CASK: variants seen among roughly 807,000 people sequenced by gnomAD.
CASK encodes the protein peripheral plasma membrane protein CASK.
In CASK, 4 loss-of-function variants were observed where a neutral mutation model predicts 82.9. That is an observed-to-expected ratio of 0.05 (90% CI 0.02 to 0.11). The LOEUF is 0.11. Ranked by LOEUF, CASK falls within the 10% of genes least tolerant of loss-of-function variation. CASK has a pLI of 1.00. For synonymous variants in CASK, 259 were observed against 253.5 expected (o/e 1.02, Z -0.20); for missense variants, 358 against 720.9 (o/e 0.50, Z 5.76).
intron 10 of CASK, 77 bp downstream of exon 10, chrX:41,626,527 A>G: frequency 3.1e-6 from 2 of 651,745 alleles, no homozygotes; most frequent in Non-Finnish European, 5.1e-6. Flanking sequence ...GCACAGGAAA[A>G]GTTTATTCAC....
intron 5 of CASK, chrX:41,697,619 G>A (rs1162665961): frequency 9.0e-6 from 1 of 111,312 alleles, no homozygotes; most frequent in Non-Finnish European, 1.9e-5. Context: ...ATGGAGAAGT[G>A]AACTGGTTTA....
intron 5 of CASK, among the ~76,000 whole-genome samples, chrX:41,692,472 ATCATT>A (rs1282436831): frequency 8.9e-6 from 1 of 112,633 alleles, no homozygotes; most frequent in African/African-American, 3.2e-5. Flanking sequence ...CCCAAGAGAG[ATCATT>A]TCATTAGAAA....
intron 8 of CASK, among the ~76,000 whole-genome samples, chrX:41,650,616 A>C (rs1326674406): frequency 9.4e-6 from 1 of 106,299 alleles, no homozygotes; most frequent in Non-Finnish European, 1.9e-5. Flanking sequence ...GTCGTAGCTC[A>C]CTGCAGCCTT....
At chrX:41,563,090 G>A (rs1354035746) in intron 16 of CASK, among the ~76,000 whole-genome samples, 2 of 103,664 alleles carry the variant, frequency 1.9e-5, no homozygotes, top group African/African-American at 3.5e-5. Flanking sequence ...GCTGGGCATG[G>A]TGGCTCATGT....
intron 18 of CASK, among the ~76,000 whole-genome samples, chrX:41,557,514 G>A (rs749626427): frequency 9.0e-6 from 1 of 111,467 alleles, no homozygotes; most frequent in East Asian, 2.8e-4. Context: ...TAGTACCTGT[G>A]TCAAGAGTTA....
intron 5 of CASK, among the ~76,000 whole-genome samples, chrX:41,684,433 T>C (rs753003201): frequency 5.4e-5 from 6 of 112,090 alleles, no homozygotes; most frequent in Admixed American, 3.8e-4. Flanking sequence ...AACTGGCCTA[T>C]ATTCTTCAAA....
chrX:41,592,795 T>C (rs1199195146), intron 12 of CASK, among the ~76,000 whole-genome samples: 1 of 111,972 alleles, frequency 8.9e-6, no homozygotes, highest in Non-Finnish European at 1.9e-5. Flanking sequence ...TCTTAACATA[T>C]ACTCATTCAC....
chrX:41,890,427 A>C (rs759192560), intron 1 of CASK, among the ~76,000 whole-genome samples: 4 of 111,229 alleles, frequency 3.6e-5, no homozygotes, highest in East Asian at 2.8e-4. Flanking sequence ...GAAAAAAAAA[A>C]CAGCACATTA....
intron 5 of CASK, among the ~76,000 whole-genome samples, chrX:41,686,990 T>C (rs1023064): frequency 0.41 from 45,198 of 110,617 alleles, 6,798 homozygotes; most frequent in East Asian, 0.57. Context: ...AAAAAGCTTA[T>C]ATAAAGAAAG....
chrX:41,537,783 C>A (rs1190003656), intron 22 of CASK, among the ~76,000 whole-genome samples: 2 of 107,515 alleles, frequency 1.9e-5, no homozygotes, highest in South Asian at 8.1e-4. Flanking sequence ...CCTTCCTGTA[C>A]CATGTGTAAT....
rs138379108 is a variant in CASK, at chrX:41,646,675, T to C, written c.832-10014A>G. On this transcript the variant is annotated intron_variant, in intron 8 of 26. Coordinates refer to ENST00000378163, the MANE Select transcript of CASK (RefSeq NM_001367721.1). Reference sequence around the variant, plus strand: ...TCAGTATCAACGTAGACCCAGACATTCTGCTTTACTTACCTCCAACCTGAC... The same window carrying C: ...TCAGTATCAACGTAGACCCAGACATCCTGCTTTACTTACCTCCAACCTGAC... Among the ~76,000 whole-genome samples, 49 of 111,926 alleles carry C rather than the reference T, an allele frequency of 4.4e-4. 1 individual carries two copies. In the East Asian group the frequency reaches 0.011, roughly 26 times the overall value.
rs762648664 is a variant in CASK at position 41,766,962 on chromosome X, ATATAAC to A, written c.278+20210_278+20215del. On this transcript the variant is annotated intron_variant, in intron 3 of 26. Coordinates refer to ENST00000378163, the MANE Select transcript of CASK (RefSeq NM_001367721.1). ...CAAAAGGTAAGAACTCTTTTTTGTT[ATATAAC>A]TATAATACCAAAATTACTTATAATA... 9.8e-5 allele frequency among the ~76,000 whole-genome samples: 11 copies of A among 112,388 alleles called. No individual in the cohort carries two copies. In the South Asian group the frequency reaches 2.9e-3, roughly 30 times the overall value.
chrX:41,894,702 A>G (rs753600476), intron 1 of CASK, among the ~76,000 whole-genome samples: 1 of 110,440 alleles, frequency 9.1e-6, no homozygotes, highest in Non-Finnish European at 1.9e-5. Context: ...AAAGTCATTC[A>G]GAATTCAATA....
intron 2 of CASK, among the ~76,000 whole-genome samples, chrX:41,799,809 C>G (rs866708031): frequency 1.9e-5 from 2 of 102,701 alleles, no homozygotes; most frequent in South Asian, 9.6e-4. Context: ...CCTGTCCCCC[C>G]ACAGCTCTGT....
intron 15 of CASK, among the ~76,000 whole-genome samples, chrX:41,576,006 A>T (rs749329381): frequency 9.4e-6 from 1 of 105,944 alleles, no homozygotes; most frequent in African/African-American, 3.5e-5. Context: ...ACGGAGTCTC[A>T]CTCTGCTGCC....
At position 41,673,059 on chromosome X, in the gene CASK, C is replaced by T. The variant is rs73193119; in HGVS notation, c.430-1529G>A. Among the ~76,000 whole-genome samples the T allele has an allele frequency of 7.8e-3, 877 of 112,102 alleles. 5 individuals carry two copies. The highest frequency in any genetic ancestry group is 0.012 in the Non-Finnish European group (632 of 53,187). On this transcript the variant is annotated intron_variant, in intron 5 of 26. Coordinates refer to ENST00000378163, the MANE Select transcript of CASK (RefSeq NM_001367721.1). Reference sequence around the variant, plus strand: ...ACAGAAGAAAAAAGTGCAAACTAGACTCCAACAGGGTCTTCTGGCCATGGC... The same window carrying T: ...ACAGAAGAAAAAAGTGCAAACTAGATTCCAACAGGGTCTTCTGGCCATGGC...
intron 5 of CASK, chrX:41,696,007 T>C: frequency 8.3e-7 from 1 of 1,210,591 alleles, no homozygotes; most frequent in East Asian, 3.0e-5. Flanking sequence ...CTAGGTGTGA[T>C]TCTGTGCAAG....
chrX:41,695,528 G>T, intron 5 of CASK: 1 of 522,199 alleles, frequency 1.9e-6, no homozygotes, highest in South Asian at 3.3e-5. Flanking sequence ...AATAGCAAAT[G>T]ACTCAATGTT....
intron 1 of CASK, among the ~76,000 whole-genome samples, chrX:41,872,649 T>C (rs1460657862): frequency 2.7e-5 from 3 of 112,176 alleles, no homozygotes; most frequent in Non-Finnish European, 1.9e-5. Context: ...ACATCTTCCA[T>C]TAGAATGGTA....
Sources: allele counts gnomAD v4.1 joint callset (sites outside exome capture counted in the v4.1 genomes callset), GRCh38; gene constraint gnomAD v4.1.1; transcripts MANE v1.5; gene names NCBI Gene and HGNC (gene_info 2026-07-23, HGNC 2026-07-21).